The following DESI2 variants were observed in gnomAD, a reference collection of about 807,000 sequenced individuals.
The protein encoded by DESI2 is desumoylating isopeptidase 2, also known as deubiquitinase DESI2.
Under a neutral mutation model 24.1 loss-of-function variants are expected in DESI2, and 10 were observed. The ratio of observed to expected loss-of-function variants is 0.41; its 90% CI spans 0.26 to 0.70. The LOEUF is 0.70. DESI2 is among the 30% of genes least tolerant of loss of function. The pLI, the probability that DESI2 is intolerant of heterozygous loss-of-function variation, is 0.29. For missense variants in DESI2, 122 were observed against 234.9 expected (o/e 0.52, Z 3.14); for synonymous variants, 71 against 87.7 (o/e 0.81, Z 1.06).
Position 244,681,388 on chromosome 1 carries a change from A to G in DESI2, c.43-5209A>G, listed in dbSNP as rs1162082655. Among the ~76,000 whole-genome samples the G allele has an allele frequency of 4.6e-5, 7 of 151,916 alleles. 1 individual carries two copies. Among genetic ancestry groups the G allele is most frequent in the Admixed American group, 4.6e-4 (7 of 15,242 alleles). On this transcript the variant is annotated intron_variant, in intron 1 of 4. Coordinates refer to ENST00000302550, the MANE Select transcript of DESI2 (RefSeq NM_016076.5). ...TACCCTGACAACTCTGGTTCCCACC[A>G]TCAGTATATGTACTCACTTGCTCTC...
chr1:244,660,984 G>A (rs1264227672), intron 1 of DESI2, among the ~76,000 whole-genome samples: 3 of 151,888 alleles, frequency 2.0e-5, no homozygotes, highest in East Asian at 1.9e-4. Context: ...ACTTTGTAAG[G>A]CTCGCTGAAA....
intron 4 of DESI2, among the ~76,000 whole-genome samples, chr1:244,693,223 A>G (rs967118333): frequency 1.3e-5 from 2 of 152,150 alleles, no homozygotes; most frequent in Non-Finnish European, 2.9e-5. Context: ...TGCTTATTAT[A>G]TTTTACCATT....
rs1176879070 is a variant in DESI2, at chr1:244,708,367, G to A, written c.*2578G>A. The A allele has an allele frequency of 1.3e-5, 2 of 152,626 alleles. No individual in the cohort carries two copies. The highest frequency in any genetic ancestry group is 2.9e-5 in the Non-Finnish European group (2 of 68,042). The allele number at this position is 152,626 out of a possible 1,614,324, so 9.5% of individuals were successfully genotyped here. ...AGCTTTGGAAAGTGTGACTCTGTAGGAGTGTAGAAGGCAGTGGTGTATGAT... is the reference window on the plus strand; with the variant it reads ...AGCTTTGGAAAGTGTGACTCTGTAGAAGTGTAGAAGGCAGTGGTGTATGAT... On this transcript the variant is annotated 3_prime_UTR_variant, in exon 5 of 5. Coordinates refer to ENST00000302550, the MANE Select transcript of DESI2 (RefSeq NM_016076.5).
Position 244,705,552 on chromosome 1 carries a change from G to A in DESI2, c.352-4G>A, listed in dbSNP as rs370829407. On this transcript the variant is annotated splice_region_variant and splice_polypyrimidine_tract_variant and intron_variant, in intron 4 of 4. Coordinates refer to ENST00000302550, the MANE Select transcript of DESI2 (RefSeq NM_016076.5). ...CCTAATACAGAACTCTTTCTCTTCT[G>A]TAGATTCTTTGTGGGAAAGAGATTC... 1.9e-6 allele frequency: 3 copies of A among 1,612,432 alleles called. No individual in the cohort carries two copies. The highest frequency in any genetic ancestry group is 1.3e-5 in the African/African-American group (1 of 74,900).
intron 1 of DESI2, among the ~76,000 whole-genome samples, chr1:244,683,168 G>C (rs1676678049): frequency 6.6e-6 from 1 of 152,202 alleles, no homozygotes. Context: ...AACCTGACCA[G>C]ATATGGAGGT....
In DESI2 at chr1:244,683,607, A is replaced by G. The variant is rs376952911; in HGVS notation, c.43-2990A>G. Reference sequence around the variant, plus strand: ...ATTACAGGCGTGAGCCACCGCGCCCAGCCTTTTGCCATATATTACTTTGCA... The same window carrying G: ...ATTACAGGCGTGAGCCACCGCGCCCGGCCTTTTGCCATATATTACTTTGCA... On this transcript the variant is annotated intron_variant, in intron 1 of 4. Coordinates refer to ENST00000302550, the MANE Select transcript of DESI2 (RefSeq NM_016076.5). Among the ~76,000 whole-genome samples the G allele has an allele frequency of 2.6e-4, 39 of 152,250 alleles. 1 individual carries two copies. The highest frequency in any genetic ancestry group is 9.6e-4 in the East Asian group (5 of 5,184).
chr1:244,676,517 C>CT (rs1273074874), intron 1 of DESI2, among the ~76,000 whole-genome samples: 2 of 151,894 alleles, frequency 1.3e-5, no homozygotes, highest in Non-Finnish European at 2.9e-5. Flanking sequence ...AATTTTACTT[C>CT]TTTTTTTCCA....
At chr1:244,686,038 C>A (rs1004977744) in intron 1 of DESI2, among the ~76,000 whole-genome samples, 7 of 152,162 alleles carry the variant, frequency 4.6e-5, no homozygotes, top group Non-Finnish European at 7.3e-5. Flanking sequence ...TTTATTCATG[C>A]TAATGGTAAG....
intron 1 of DESI2, among the ~76,000 whole-genome samples, chr1:244,667,823 G>A (rs1676098896): frequency 6.6e-6 from 1 of 152,222 alleles, no homozygotes; most frequent in African/African-American, 2.4e-5. Flanking sequence ...ATAGCAGAGA[G>A]AAGCAGGCCT....
At chr1:244,657,389 C>T (rs898520266) in intron 1 of DESI2, among the ~76,000 whole-genome samples, 5 of 152,240 alleles carry the variant, frequency 3.3e-5, no homozygotes, top group African/African-American at 9.6e-5. Flanking sequence ...CTGTCCACAG[C>T]GCACATTCTT....
At position 244,660,967 on chromosome 1, in the gene DESI2, T is replaced by C. The variant is rs535318218; in HGVS notation, c.42+7612T>C. Among the ~76,000 whole-genome samples the C allele has an allele frequency of 2.0e-3, 309 of 152,352 alleles. 2 individuals carry two copies. Among genetic ancestry groups the C allele is most frequent in the Middle Eastern group, 0.014 (4 of 294 alleles). On this transcript the variant is annotated intron_variant, in intron 1 of 4. Coordinates refer to ENST00000302550, the MANE Select transcript of DESI2 (RefSeq NM_016076.5). ...CTTTATTGGCCTTCATTTCCTTTTC[T>C]AGGAGTACTTTGTAAGGCTCGCTGA... is the stretch of plus-strand genomic sequence containing the variant.
intron 4 of DESI2, among the ~76,000 whole-genome samples, chr1:244,692,765 A>G (rs925262752): frequency 7.2e-5 from 11 of 151,972 alleles, no homozygotes; most frequent in African/African-American, 2.4e-4. Context: ...CTTTCAGACA[A>G]CTCTCACAGA....
At chr1:244,699,578 C>CAAAAAAAAAAAAAAAAAAAAAAAAAA (rs559295405) in intron 4 of DESI2, among the ~76,000 whole-genome samples, 1 of 66,194 alleles carries the variant, frequency 1.5e-5, no homozygotes, top group African/African-American at 5.2e-5. Context: ...GAGACTGTCT[C>CAAAAAAAAAAAAAAAAAAAAAAAAAA]AAAAAAAAAA....
chr1:244,692,163 T>C, intron 4 of DESI2, 143 bp downstream of exon 4: 2 of 728,420 alleles, frequency 2.7e-6, no homozygotes, highest in African/African-American at 3.7e-5. Context: ...TTCAATCTTG[T>C]ATGAATGACC....
In DESI2 at chr1:244,702,606, G is replaced by A. The variant is rs1204351124; in HGVS notation, c.352-2950G>A. On this transcript the variant is annotated intron_variant, in intron 4 of 4. Coordinates refer to ENST00000302550, the MANE Select transcript of DESI2 (RefSeq NM_016076.5). ...AGATAATAAATATTTTAGGCTTGTG[G>A]ACTATTCATAGTCCCAACTCTGCCT... 2.6e-5 allele frequency among the ~76,000 whole-genome samples: 4 copies of A among 152,316 alleles called. No individual in the cohort carries two copies. The East Asian group carries it at 7.7e-4, about 29-fold the overall frequency.
Position 244,653,184 on chromosome 1 carries a change from C to A in DESI2, c.-130C>A. The A allele has an allele frequency of 1.1e-6, 1 of 937,030 alleles. No individual in the cohort carries two copies. Among genetic ancestry groups the A allele is most frequent in the Non-Finnish European group, 1.4e-6 (1 of 695,408 alleles). 58.0% of individuals were successfully genotyped at this position (937,030 alleles called of 1,614,324 possible). On this transcript the variant is annotated 5_prime_UTR_variant, in exon 1 of 5. The change creates a new upstream start codon in the 5' untranslated region. Transcript: ENST00000302550. The stretch of plus-strand genomic sequence containing the variant: ...CGGCTGCCCGATGCTTCCGCCCCGG[C>A]TGCCGCGGGCCGGGCTGTACGCTTA...
intron 2 of DESI2, among the ~76,000 whole-genome samples, 167 bp downstream of exon 2, chr1:244,686,836 C>G (rs1368639949): frequency 1.3e-5 from 2 of 151,812 alleles, no homozygotes; most frequent in African/African-American, 4.8e-5. Context: ...GGAAAAATGC[C>G]CAAAGTAGAA....
At chr1:244,677,382 G>T (rs1676448647) in intron 1 of DESI2, among the ~76,000 whole-genome samples, 1 of 152,088 alleles carries the variant, frequency 6.6e-6, no homozygotes, top group South Asian at 2.1e-4. Context: ...CATTAGGTTG[G>T]TAGAGATGTC....
chr1:244,693,007 G>A (rs1378688955), intron 4 of DESI2, among the ~76,000 whole-genome samples: 1 of 152,170 alleles, frequency 6.6e-6, no homozygotes, highest in African/African-American at 2.4e-5. Flanking sequence ...GCAGGGGGAA[G>A]GTAGTTCTGA....
Sources: gnomAD v4.1 joint callset for allele counts (sites outside exome capture counted in the v4.1 genomes callset) on GRCh38, gnomAD v4.1.1 for gene constraint, MANE v1.5 for transcripts, NCBI Gene and HGNC (gene_info 2026-07-23, HGNC 2026-07-21) for gene names.